Variants in TBC1D8 observed in about 807,000 individuals in gnomAD.
TBC1D8 encodes the protein BUB2-like protein 1.
A neutral mutation model predicts 118.8 loss-of-function variants in TBC1D8; 65 were observed. The observed-to-expected ratio is 0.55, with a 90% CI of 0.45 to 0.67. The LOEUF (loss-of-function observed/expected upper bound fraction) is 0.67, where lower values mean the gene tolerates loss of function less well. Among genes scored for constraint, TBC1D8 ranks in the 30% least tolerant of loss-of-function variants. TBC1D8 has a pLI of 0.00. For missense variants in TBC1D8, 1,376 were observed against 1,471.2 expected (o/e 0.94, Z 1.06); for synonymous variants, 566 against 595.8 (o/e 0.95, Z 0.73).
chr2:101,131,316 C>T (rs1678581533), intron 1 of TBC1D8, among the ~76,000 whole-genome samples: 1 of 151,304 alleles, frequency 6.6e-6, no homozygotes, highest in Admixed American at 6.6e-5. Context: ...AGTTTGTGAC[C>T]AGCCTGACCA....
At chr2:101,116,890 C>T (rs1373058456) in intron 1 of TBC1D8, among the ~76,000 whole-genome samples, 1 of 152,152 alleles carries the variant, frequency 6.6e-6, no homozygotes, top group African/African-American at 2.4e-5. Flanking sequence ...GATCTGCCGC[C>T]TCAGCCTCCC....
intron 17 of TBC1D8, among the ~76,000 whole-genome samples, chr2:101,017,306 A>C (rs1238514050): frequency 1.3e-5 from 2 of 152,210 alleles, no homozygotes; most frequent in Admixed American, 1.3e-4. Flanking sequence ...GCATGCTAAA[A>C]TAATGATAAA....
chr2:101,056,839 G>C (rs1420419799), intron 3 of TBC1D8, among the ~76,000 whole-genome samples: 1 of 152,090 alleles, frequency 6.6e-6, no homozygotes, highest in African/African-American at 2.4e-5. Flanking sequence ...TCTGGTTATA[G>C]GCACAGCTTG....
chr2:101,106,267 G>A (rs1677208062), intron 1 of TBC1D8, among the ~76,000 whole-genome samples: 1 of 152,168 alleles, frequency 6.6e-6, no homozygotes, highest in Non-Finnish European at 1.5e-5. Context: ...AAACTATTCT[G>A]TATAATATTG....
rs60610909 is a variant in TBC1D8, at chr2:101,045,230, A to C, written c.873-4845T>G. ...CACATTCTTAAAAAAATTCAGCTTAATCCCTAAGAGGACCCAAGAAGGTAT... is the reference window on the plus strand; with the variant it reads ...CACATTCTTAAAAAAATTCAGCTTACTCCCTAAGAGGACCCAAGAAGGTAT... On this transcript the variant is annotated intron_variant, in intron 5 of 19. Coordinates refer to ENST00000409318, the MANE Select transcript of TBC1D8 (RefSeq NM_001330348.2). Among the ~76,000 whole-genome samples, 304 of 152,356 alleles carry C rather than the reference A, an allele frequency of 2.0e-3. 4 individuals carry two copies. In the East Asian group the frequency reaches 0.055, roughly 28 times the overall value.
chr2:101,011,091 CTA>C (rs1269922461), intron 18 of TBC1D8, 65 bp from the exon 19 acceptor site: 28 of 1,507,480 alleles, frequency 1.9e-5, no homozygotes, highest in African/African-American at 5.5e-5. Context: ...AAAAAGGAAA[CTA>C]TGTAGGAGAG....
chr2:101,086,178 A>G (rs898338154), intron 2 of TBC1D8, among the ~76,000 whole-genome samples: 1 of 151,928 alleles, frequency 6.6e-6, no homozygotes, highest in Non-Finnish European at 1.5e-5. Flanking sequence ...AAATTAGTAG[A>G]TAAGTTAAAA....
At chr2:101,110,016 G>A (rs893781300) in intron 1 of TBC1D8, 3 of 985,244 alleles carry the variant, frequency 3.0e-6, no homozygotes, top group African/African-American at 1.7e-5. Context: ...AAATCCTCCT[G>A]GCGTCTCAGC....
At chr2:101,034,154 G>A (rs926493458) in intron 9 of TBC1D8, among the ~76,000 whole-genome samples, 2 of 152,066 alleles carry the variant, frequency 1.3e-5, no homozygotes, top group African/African-American at 4.8e-5. Context: ...ACAGAGTAAG[G>A]ACTTCATTTC....
intron 2 of TBC1D8, among the ~76,000 whole-genome samples, chr2:101,064,941 C>G (rs1682940475): frequency 6.6e-6 from 1 of 152,178 alleles, no homozygotes; most frequent in Non-Finnish European, 1.5e-5. Flanking sequence ...AACCCGAAAG[C>G]CAATTCATCT....
At chr2:101,013,691 G>T (rs1679404579) in intron 17 of TBC1D8, among the ~76,000 whole-genome samples, 1 of 152,158 alleles carries the variant, frequency 6.6e-6, no homozygotes, top group South Asian at 2.1e-4. Context: ...CATTGTCATT[G>T]CCACTGCCAT....
At position 101,070,499 on chromosome 2, in the gene TBC1D8, G is replaced by C. The variant is rs932765232; in HGVS notation, c.284-10960C>G. Among the ~76,000 whole-genome samples, 54 of 150,172 alleles carry C rather than the reference G, an allele frequency of 3.6e-4. 1 individual carries two copies. Among genetic ancestry groups the C allele is most frequent in the Admixed American group, 1.3e-3 (20 of 15,000 alleles). On this transcript the variant is annotated intron_variant, in intron 2 of 19. Transcript: ENST00000409318. ...ACAATATCAGCTCACTGCAACCTCC[G>C]CCTCTCAGGTTCAAGCAATTCTCCT... is the stretch of plus-strand genomic sequence containing the variant.
At chr2:101,033,517 C>A (rs6726586) in intron 10 of TBC1D8, 27 bp downstream of exon 10, 3 of 1,613,456 alleles carry the variant, frequency 1.9e-6, no homozygotes, top group African/African-American at 2.7e-5. Flanking sequence ...TAAAGACTCT[C>A]TGCGCCCCAG....
chr2:101,008,803 C>T (rs1482689237), intron 19 of TBC1D8, among the ~76,000 whole-genome samples: 1 of 145,340 alleles, frequency 6.9e-6, no homozygotes, highest in Non-Finnish European at 1.5e-5. Flanking sequence ...AAGAGTAAAA[C>T]TTTGTCTTAA....
intron 5 of TBC1D8, among the ~76,000 whole-genome samples, chr2:101,043,015 A>G (rs1437049556): frequency 1.3e-5 from 2 of 152,190 alleles, no homozygotes; most frequent in African/African-American, 4.8e-5. Flanking sequence ...ACTTACAGGC[A>G]GCAGCCATCA....
intron 15 of TBC1D8, among the ~76,000 whole-genome samples, chr2:101,026,493 T>C (rs1467052910): frequency 6.6e-6 from 1 of 152,164 alleles, no homozygotes; most frequent in Non-Finnish European, 1.5e-5. Flanking sequence ...CTGCAGTCAC[T>C]GACTGCGGGG....
At position 101,090,774 on chromosome 2, in the gene TBC1D8, C is replaced by T. The variant is rs192518577; in HGVS notation, c.128-410G>A. 4.0e-3 allele frequency among the ~76,000 whole-genome samples: 612 copies of T among 152,296 alleles called. 3 individuals carry two copies. The highest frequency in any genetic ancestry group is 0.017 in the Middle Eastern group (5 of 294). On this transcript the variant is annotated intron_variant, in intron 1 of 19. Transcript: ENST00000409318. ...ACTTAACTTGTCTGTGCCCTGGATT[C>T]CTTGTTGGTGAAATAAAATAAGCAC...
In TBC1D8 at chr2:101,012,511, C is replaced by T. The variant is rs554104699; in HGVS notation, c.2828-971G>A. Among the ~76,000 whole-genome samples the T allele has an allele frequency of 2.1e-4, 32 of 152,000 alleles. No homozygotes were observed. The East Asian group carries it at 4.5e-3, about 21-fold the overall frequency. Reference sequence around the variant, plus strand: ...ATCTACAGAAACAGAAAGCTGCCTACGGCTGGGGAAAATGGATACACTGGT... The same window carrying T: ...ATCTACAGAAACAGAAAGCTGCCTATGGCTGGGGAAAATGGATACACTGGT... On this transcript the variant is annotated intron_variant, in intron 17 of 19. Coordinates refer to ENST00000409318, the MANE Select transcript of TBC1D8 (RefSeq NM_001330348.2).
chr2:101,037,455 G>A, intron 8 of TBC1D8, 77 bp downstream of exon 8: 4 of 1,554,042 alleles, frequency 2.6e-6, no homozygotes, highest in Non-Finnish European at 3.5e-6. Context: ...GTTCCATGGT[G>A]ACTCAGACAG....
Sources: allele counts gnomAD v4.1 joint callset (sites outside exome capture counted in the v4.1 genomes callset), GRCh38; gene constraint gnomAD v4.1.1; transcripts MANE v1.5; gene names NCBI Gene and HGNC (gene_info 2026-07-23, HGNC 2026-07-21).